The following KLRG2 variants were observed in gnomAD, a reference collection of about 807,000 sequenced individuals.
KLRG2 encodes killer cell lectin like receptor G2.
Under a neutral mutation model 35.4 loss-of-function variants are expected in KLRG2, and 39 were observed. That is an observed-to-expected ratio of 1.10 (90% CI 0.85 to 1.44). The LOEUF (loss-of-function observed/expected upper bound fraction) is 1.44. KLRG2 is among the 40% of genes most tolerant of loss of function. The probability of loss-of-function intolerance (pLI) is 0.00; values close to 1 mark genes in which losing one functional copy is unlikely to be tolerated. For missense variants in KLRG2, 632 were observed against 570.9 expected, an observed-to-expected ratio of 1.11 and a Z score of -1.09; for synonymous variants, 283 against 265.8, an observed-to-expected ratio of 1.06 and a Z score of -0.63.
chr7:139,433,044 GA>G, the KLRG2 span, among the ~76,000 whole-genome samples: 1 of 152,158 alleles, frequency 6.6e-6, no homozygotes, highest in African/African-American at 2.4e-5. Flanking sequence ...CCACTGGTTA[GA>G]ACCACTTTAG....
intron 3 of KLRG2, among the ~76,000 whole-genome samples, chr7:139,463,974 A>T (rs1467134633): frequency 6.6e-6 from 1 of 151,552 alleles, no homozygotes; most frequent in African/African-American, 2.4e-5. Context: ...AAACTCCCCA[A>T]CTCTGATGCT....
At chr7:139,434,081 G>C in the KLRG2 span, among the ~76,000 whole-genome samples, 2 of 152,338 alleles carry the variant, frequency 1.3e-5, no homozygotes, top group African/African-American at 4.8e-5. Context: ...CAGGATGTTT[G>C]CTGTGAGGAG....
chr7:139,453,817 T>C (rs866173548), intron 4 of KLRG2, 110 bp from the exon 5 acceptor site: 3 of 1,304,410 alleles, frequency 2.3e-6, no homozygotes, highest in African/African-American at 2.9e-5. Context: ...GCCTGGGCAC[T>C]GAGTGAGTCA....
chr7:139,482,385 G>A (rs1796975819), intron 1 of KLRG2, among the ~76,000 whole-genome samples: 1 of 151,980 alleles, frequency 6.6e-6, no homozygotes, highest in South Asian at 2.1e-4. Context: ...GATGAGAAGG[G>A]GAGTGGCTTT....
At chr7:139,430,595 A>G in the KLRG2 span, among the ~76,000 whole-genome samples, 1 of 152,244 alleles carries the variant, frequency 6.6e-6, no homozygotes, top group East Asian at 1.9e-4. Context: ...TCCTTACCAT[A>G]TGACCCAGCA....
At chr7:139,436,049 G>A in the KLRG2 span, among the ~76,000 whole-genome samples, 4 of 151,880 alleles carry the variant, frequency 2.6e-5, no homozygotes, top group East Asian at 3.9e-4. Flanking sequence ...TTACAGGTAT[G>A]CACCACCATA....
chr7:139,480,356 C>T (rs1453801618), intron 1 of KLRG2, 109 bp from the exon 2 acceptor site: 1 of 650,116 alleles, frequency 1.5e-6, no homozygotes, highest in Non-Finnish European at 2.8e-6. Flanking sequence ...CACCCCAGCA[C>T]CCACCCCCTC....
chr7:139,438,664 A>G, the KLRG2 span, among the ~76,000 whole-genome samples: 1 of 147,270 alleles, frequency 6.8e-6, no homozygotes, highest in South Asian at 2.1e-4. Context: ...CTTCTTTGGG[A>G]AACATTTTGG....
At chr7:139,469,874 T>G (rs914291559) in intron 3 of KLRG2, among the ~76,000 whole-genome samples, 2 of 152,210 alleles carry the variant, frequency 1.3e-5, no homozygotes, top group Non-Finnish European at 2.9e-5. Flanking sequence ...GCATGCCCAG[T>G]CTCCAGCACA....
chr7:139,475,975 G>T (rs1289483770), intron 3 of KLRG2, among the ~76,000 whole-genome samples: 1 of 152,120 alleles, frequency 6.6e-6, no homozygotes, highest in Non-Finnish European at 1.5e-5. Flanking sequence ...AACACATTTG[G>T]TCACAGACGC....
the KLRG2 span, among the ~76,000 whole-genome samples, chr7:139,445,107 C>T: frequency 6.7e-5 from 10 of 148,764 alleles, no homozygotes; most frequent in African/African-American, 1.5e-4. Flanking sequence ...GAGTTGGAGT[C>T]TCTCATTCTT....
At chr7:139,455,464 G>A (rs1325427534) in intron 3 of KLRG2, among the ~76,000 whole-genome samples, 10 of 151,956 alleles carry the variant, frequency 6.6e-5, no homozygotes, top group Non-Finnish European at 8.8e-5. Flanking sequence ...TGGGACTACA[G>A]GCACCCGCCA....
the KLRG2 span, among the ~76,000 whole-genome samples, chr7:139,440,741 T>C: frequency 6.6e-6 from 1 of 152,106 alleles, no homozygotes; most frequent in Non-Finnish European, 1.5e-5. Context: ...TGCACCACAG[T>C]GCCTGGCACG....
In KLRG2 at chr7:139,454,208, G is replaced by A. The variant is rs1225678946; in HGVS notation, c.1012C>T (p.Leu338=). The change falls in exon 4 of 5, where the codon CTG becomes TTG. Residue 338 remains leucine (L), a synonymous_variant. Transcript: ENST00000340940. ...LPLLSHTQDF[L]GRYPVSRHSW... ...TGCCTGGAGACTGGGTATCTGCCCA[G>A]GAAGTCCTGAGGGAGAAAAGTAAGC... 5.9e-6 allele frequency: 9 copies of A among 1,514,130 alleles called. No individual in the cohort carries two copies. The highest frequency in any genetic ancestry group is 4.0e-5 in the Admixed American group (2 of 50,460). The allele number at this position is 1,514,130 out of a possible 1,614,324, so 93.8% of individuals were successfully genotyped here.
intron 3 of KLRG2, among the ~76,000 whole-genome samples, chr7:139,460,795 C>A (rs776973346): frequency 2.6e-5 from 4 of 151,718 alleles, no homozygotes; most frequent in Non-Finnish European, 5.9e-5. Context: ...TCCACCTCTA[C>A]TAAAAATACA....
intron 3 of KLRG2, among the ~76,000 whole-genome samples, chr7:139,461,300 G>GT (rs1796563014): frequency 2.6e-5 from 4 of 152,264 alleles, no homozygotes; most frequent in Admixed American, 2.6e-4. Context: ...CATAGCAGCA[G>GT]TGTTGGGGTG....
At chr7:139,476,862 A>G (rs1036442378) in intron 3 of KLRG2, among the ~76,000 whole-genome samples, 3 of 152,146 alleles carry the variant, frequency 2.0e-5, no homozygotes, top group African/African-American at 7.2e-5. Flanking sequence ...TTCACAGCAC[A>G]GATCAGTGTG....
At chr7:139,435,230 C>G in the KLRG2 span, among the ~76,000 whole-genome samples, 1 of 152,202 alleles carries the variant, frequency 6.6e-6, no homozygotes, top group Non-Finnish European at 1.5e-5. Context: ...TGGCTCACGC[C>G]TGTAATCCCA....
chr7:139,457,416 C>A (rs1028094402), intron 3 of KLRG2, among the ~76,000 whole-genome samples: 2 of 152,134 alleles, frequency 1.3e-5, no homozygotes, highest in African/African-American at 4.8e-5. Flanking sequence ...ATTCTGGCTC[C>A]ATGACTTGTG....
Sources: gnomAD v4.1 joint callset for allele counts (sites outside exome capture counted in the v4.1 genomes callset) on GRCh38, gnomAD v4.1.1 for gene constraint, MANE v1.5 for transcripts, NCBI Gene and HGNC (gene_info 2026-07-23, HGNC 2026-07-21) for gene names.